Variants in EPG5 observed in about 807,000 individuals in gnomAD.
EPG5 encodes ectopic P-granules 5 autophagy tethering factor.
EPG5 carries 159 observed loss-of-function variants against 302.7 expected under a neutral mutation model. The ratio of observed to expected loss-of-function variants is 0.53; its 90% CI spans 0.46 to 0.60. The LOEUF is 0.60. Among genes scored for constraint, EPG5 ranks in the 20% least tolerant of loss-of-function variants. The pLI, the probability that EPG5 is intolerant of heterozygous loss-of-function variation, is 0.00. For synonymous variants in EPG5, 1,158 were observed against 1,136.8 expected, an observed-to-expected ratio of 1.02 and a Z score of -0.37; for missense variants, 2,896 against 3,092.4, an observed-to-expected ratio of 0.94 and a Z score of 1.51.
chr18:45,908,220 C>T, intron 23 of EPG5, 139 bp from the exon 24 acceptor site: 1 of 611,400 alleles, frequency 1.6e-6, no homozygotes, highest in South Asian at 2.7e-5. Context: ...CAACAACCAC[C>T]ACGGCTCCCA....
chr18:45,805,132 C>T, the EPG5 span, among the ~76,000 whole-genome samples: 1 of 151,804 alleles, frequency 6.6e-6, no homozygotes, highest in East Asian at 1.9e-4. Flanking sequence ...AATTCTAAAA[C>T]ATGTCCAAAT....
At chr18:45,823,672 G>C in the EPG5 span, among the ~76,000 whole-genome samples, 1 of 152,068 alleles carries the variant, frequency 6.6e-6, no homozygotes, top group African/African-American at 2.4e-5. Context: ...CTAACTGCTA[G>C]TCTGCACAAA....
Position 45,887,899 on chromosome 18 carries a change from A to G in EPG5, c.4961T>C (p.Val1654Ala). Residue 1654 changes from valine (V) to alanine (A), a missense_variant, in exon 29 of 44, where the codon GTG (valine) becomes GCG (alanine). Coordinates refer to ENST00000282041, the MANE Select transcript of EPG5 (RefSeq NM_020964.3). Reference sequence around the variant, plus strand: ...TGTAGGCTGCAACTTGTAGGCATTCACTAAGGCCCTGTGGGAAAATGTGGG... The same window carrying G: ...TGTAGGCTGCAACTTGTAGGCATTCGCTAAGGCCCTGTGGGAAAATGTGGG... Reference protein sequence around the residue: ...VHAENLITALVNAYKLQPTPG... With the variant: ...VHAENLITALANAYKLQPTPG... 1 of 1,563,380 alleles carries G rather than the reference A, an allele frequency of 6.4e-7. No individual in the cohort carries two copies. The highest frequency in any genetic ancestry group is 8.7e-7 in the Non-Finnish European group (1 of 1,143,662).
chr18:45,949,432 C>T (rs1395435659), intron 5 of EPG5, 52 bp downstream of exon 5: 4 of 1,004,254 alleles, frequency 4.0e-6, no homozygotes, highest in Non-Finnish European at 6.0e-6. Context: ...GGAATAATGT[C>T]TAATAAAACC....
At chr18:45,905,907 C>T (rs1416036698) in intron 24 of EPG5, among the ~76,000 whole-genome samples, 2 of 152,172 alleles carry the variant, frequency 1.3e-5, no homozygotes, top group Non-Finnish European at 2.9e-5. Context: ...GAGGATGGAA[C>T]TGAACTCAAA....
chr18:45,928,393 C>G (rs545487620), intron 13 of EPG5, among the ~76,000 whole-genome samples: 36 of 152,074 alleles, frequency 2.4e-4, no homozygotes, highest in Non-Finnish European at 5.0e-4. Flanking sequence ...TTTTGAAAAA[C>G]TACATGAAGA....
chr18:45,811,399 C>T, the EPG5 span, among the ~76,000 whole-genome samples: 2 of 152,158 alleles, frequency 1.3e-5, no homozygotes, highest in Admixed American at 6.5e-5. Context: ...GGAATCCTCC[C>T]TAACTCATTT....
chr18:45,880,900 G>C (rs557245338), intron 31 of EPG5, among the ~76,000 whole-genome samples: 6 of 152,192 alleles, frequency 3.9e-5, no homozygotes, highest in Non-Finnish European at 8.8e-5. Context: ...TCCAGTGTGA[G>C]GTACCTGGGG....
the EPG5 span, among the ~76,000 whole-genome samples, chr18:45,833,046 C>T: frequency 6.6e-6 from 1 of 152,154 alleles, no homozygotes; most frequent in Admixed American, 6.5e-5. Flanking sequence ...GCTCCTAGAG[C>T]AAAGCCCACC....
the EPG5 span, among the ~76,000 whole-genome samples, chr18:45,802,421 G>A: frequency 6.6e-6 from 1 of 152,184 alleles, no homozygotes; most frequent in African/African-American, 2.4e-5. Flanking sequence ...TCAGGTGGCT[G>A]AGGCAGGAGA....
intron 4 of EPG5, among the ~76,000 whole-genome samples, chr18:45,950,640 G>A (rs1458763176): frequency 6.6e-6 from 1 of 152,170 alleles, no homozygotes; most frequent in Non-Finnish European, 1.5e-5. Flanking sequence ...TGAAACATAA[G>A]TCTGAACACA....
intron 27 of EPG5, among the ~76,000 whole-genome samples, chr18:45,891,357 G>A (rs1404885490): frequency 2.6e-5 from 4 of 151,968 alleles, no homozygotes; most frequent in Non-Finnish European, 5.9e-5. Context: ...AAATTAACTG[G>A]GTGTGGTGGC....
intron 23 of EPG5, among the ~76,000 whole-genome samples, chr18:45,910,047 A>G (rs990982967): frequency 2.0e-5 from 3 of 151,898 alleles, no homozygotes; most frequent in Non-Finnish European, 1.5e-5. Context: ...GTACAGTGGC[A>G]TGATTATGGC....
chr18:45,953,942 G>T lies in EPG5; in HGVS notation c.1008+452C>A, dbSNP rs769930917. 4.1e-6 allele frequency: 4 copies of T among 985,054 alleles called. No homozygotes were observed. In the African/African-American group the frequency reaches 7.0e-5, roughly 17 times the overall value. The allele number at this position is 985,054 out of a possible 1,614,324, so 61.0% of individuals were successfully genotyped here. ...TGGATGTTGGTAGCATTATGCCCAA[G>T]GTCACAAACTAATGACCCATGGGCT... On this transcript the variant is annotated intron_variant, in intron 2 of 43. Coordinates refer to ENST00000282041, the MANE Select transcript of EPG5 (RefSeq NM_020964.3).
At position 45,876,250 on chromosome 18, in the gene EPG5, T is replaced by G. The variant is rs1157678315; in HGVS notation, c.6035A>C (p.His2012Pro). 6.2e-7 allele frequency: 1 copy of G among 1,612,120 alleles called. No homozygotes were observed. The highest frequency in any genetic ancestry group is 8.5e-7 in the Non-Finnish European group (1 of 1,178,280). ...CATCTTCCTACCTTTAAAACTCTCA[T>G]GCAGTGAGTCAATACAGTCAGTGAA... Reference protein sequence around the residue: ...QLFTDCIDSLHESFKDKLLPG... With the variant: ...QLFTDCIDSLPESFKDKLLPG... The change falls in exon 35 of 44, where the codon CAT becomes CCT. Residue 2012 changes from histidine to proline, a missense_variant. Coordinates refer to ENST00000282041, the MANE Select transcript of EPG5 (RefSeq NM_020964.3).
chr18:45,967,116 G>A (rs1423620269), intron 1 of EPG5, 61 bp downstream of exon 1: 6 of 1,507,398 alleles, frequency 4.0e-6, no homozygotes, highest in Non-Finnish European at 5.4e-6. Context: ...GGAGGCCGAA[G>A]AGAGGAGCAA....
intron 3 of EPG5, 83 bp downstream of exon 3, chr18:45,952,317 T>C (rs2050926171): frequency 2.0e-6 from 3 of 1,503,054 alleles, no homozygotes; most frequent in Non-Finnish European, 2.7e-6. Context: ...GACCAATTAC[T>C]ATACAGTCAA....
Position 45,852,479 on chromosome 18 carries a change from G to A in EPG5, c.7728C>T (p.Asp2576=), listed in dbSNP as rs761506859. ...NCLYPEVHYL[D]HIR ...GCCTCAGTGTTAACTATCGTATGTG[G>A]TCCAAATAATGCACTTCTGGATACA... Residue 2576 remains aspartate, a synonymous_variant, in exon 44 of 44, where the codon GAC becomes GAT. Coordinates refer to ENST00000282041, the MANE Select transcript of EPG5 (RefSeq NM_020964.3). 1.2e-6 allele frequency: 2 copies of A among 1,613,810 alleles called. No individual in the cohort carries two copies. Among genetic ancestry groups the A allele is most frequent in the South Asian group, 1.1e-5 (1 of 91,046 alleles).
intron 12 of EPG5, among the ~76,000 whole-genome samples, chr18:45,930,308 T>C (rs912524861): frequency 1.3e-5 from 2 of 152,158 alleles, no homozygotes; most frequent in Non-Finnish European, 2.9e-5. Context: ...CTTCCCACCA[T>C]CTCATTTAAA....
Sources: allele counts gnomAD v4.1 joint callset (sites outside exome capture counted in the v4.1 genomes callset), GRCh38; gene constraint gnomAD v4.1.1; transcripts MANE v1.5; gene names NCBI Gene and HGNC (gene_info 2026-07-23, HGNC 2026-07-21).